The following LMTK3 variants were observed in gnomAD, a reference collection of about 807,000 sequenced individuals.
The protein encoded by LMTK3 is lemur tail kinase 3.
Under a neutral mutation model 116.7 loss-of-function variants are expected in LMTK3, and 27 were observed. The ratio of observed to expected loss-of-function variants is 0.23; its 90% confidence interval spans 0.17 to 0.32. The LOEUF is 0.32. Among genes scored for constraint, LMTK3 ranks in the 10% least tolerant of loss-of-function variants. The probability of loss-of-function intolerance (pLI) is 1.00; values close to 1 mark genes in which losing one functional copy is unlikely to be tolerated. For synonymous variants in LMTK3, 965 were observed against 971.0 expected (o/e 0.99, Z 0.11); for missense variants, 1,764 against 2,068.5 (o/e 0.85, Z 2.86).
Position 48,498,335 on chromosome 19 carries a change from T to G in LMTK3, c.2734A>C (p.Asn912His). 2 of 1,613,144 alleles carry G rather than the reference T, an allele frequency of 1.2e-6. No individual in the cohort carries two copies. The highest frequency in any genetic ancestry group is 1.7e-6 in the Non-Finnish European group (2 of 1,179,704). ...GLNRDPTVLG[N>H]GKQAPSLSLP... ...CTCAGGCTTGGGGCTTGTTTCCCGT[T>G]GCCCAGGACTGTCGGGTCCCTGTTC... The change falls in exon 11 of 15, where the codon AAC becomes CAC. Residue 912 changes from asparagine (N) to histidine (H), a missense_variant. Coordinates refer to ENST00000600059, the MANE Select transcript of LMTK3 (RefSeq NM_001388485.1).
rs1297706817 is a variant in LMTK3, at chr19:48,499,462, C to T, written c.1607G>A (p.Ser536Asn). The change falls in exon 11 of 15, where the codon AGC (serine) becomes AAC (asparagine). Residue 536 changes from serine (S) to asparagine (N), a missense_variant. Around this residue, in one of 7 missense-constraint regions of LMTK3, gnomAD observed 1,028 missense variants for 1,050.6 expected, o/e 0.98. Transcript: ENST00000600059. ...CTCCTCCAAGCGGATGTAGTACTCG[C>T]TGCTCACGGAGGGGCTGCGGGCGCT... ...VISARSPSVS[S>N]EYYIRLEEHG... 5 of 1,474,124 alleles carry T rather than the reference C, an allele frequency of 3.4e-6. No homozygotes were observed. The highest frequency in any genetic ancestry group is 1.4e-5 in the African/African-American group (1 of 69,570). 91.3% of individuals were successfully genotyped at this position (1,474,124 alleles called of 1,614,324 possible). A position where few individuals can be genotyped will look rare whatever the true frequency, so the allele number is the denominator to read the frequency against.
intron 14 of LMTK3, among the ~76,000 whole-genome samples, chr19:48,488,638 C>T (rs1271209779): frequency 6.6e-6 from 1 of 152,170 alleles, no homozygotes; most frequent in Non-Finnish European, 1.5e-5. Flanking sequence ...TCTCCTGCCT[C>T]AGGCCCTGTG....
At chr19:48,489,461 T>C (rs554629888) in intron 14 of LMTK3, among the ~76,000 whole-genome samples, 1 of 152,198 alleles carries the variant, frequency 6.6e-6, no homozygotes, top group East Asian at 1.9e-4. Context: ...TAATTCCAGC[T>C]ACTCAGGAGG....
In LMTK3 at chr19:48,494,705, T is replaced by G. The variant is rs546689750; in HGVS notation, c.3677-596A>C. On this transcript the variant is annotated intron_variant, in intron 11 of 14. Transcript: ENST00000600059. This position sits in a 1 kb window ranked among gnomAD's most constrained non-coding sequence, Gnocchi z 4.0. The stretch of plus-strand genomic sequence containing the variant: ...ACTTAGCCCTCCATTACTGCATAAG[T>G]GAACTGCCCTTTCTGAGCTGATGGC... Among the ~76,000 whole-genome samples the G allele has an allele frequency of 2.8e-4, 43 of 152,270 alleles. No homozygotes were observed. Among genetic ancestry groups the G allele is most frequent in the Middle Eastern group, 3.4e-3 (1 of 294 alleles).
chr19:48,497,705 C>T lies in LMTK3; in HGVS notation c.3364G>A (p.Ala1122Thr). 1 of 1,321,098 alleles carries T rather than the reference C, an allele frequency of 7.6e-7. No individual in the cohort carries two copies. The allele number at this position is 1,321,098 out of a possible 1,614,324, so 81.8% of individuals were successfully genotyped here. Residue 1122 changes from alanine to threonine, a missense_variant, in exon 11 of 15, where the codon GCC becomes ACC. Transcript: ENST00000600059. This position sits in a 1 kb window ranked among gnomAD's most constrained non-coding sequence, Gnocchi z 5.7. ...GGRAPVGTGTAPGGGPGSGVD... is the reference protein window; with the variant it reads ...GGRAPVGTGTTPGGGPGSGVD... ...CCGCTTCCGGGGCCGCCGCCGGGGGCCGTCCCCGTGCCCACTGGGGCTCGG... is the reference window on the plus strand; with the variant it reads ...CCGCTTCCGGGGCCGCCGCCGGGGGTCGTCCCCGTGCCCACTGGGGCTCGG...
rs1972114250 is a variant in LMTK3 at position 48,485,881 on chromosome 19, C to T, written c.4367-92G>A. On this transcript the variant is annotated intron_variant, in intron 14 of 14. Transcript: ENST00000600059. ...ACTCAGCGGAAAAGCAAAGCCCTCACCCACCATGGCCCAAAAGATCTGCTC... is the reference window on the plus strand; with the variant it reads ...ACTCAGCGGAAAAGCAAAGCCCTCATCCACCATGGCCCAAAAGATCTGCTC... The T allele has an allele frequency of 2.6e-5, 32 of 1,243,586 alleles. No individual in the cohort carries two copies. In the East Asian group the frequency reaches 7.6e-4, roughly 29 times the overall value. The allele number at this position is 1,243,586 out of a possible 1,614,324, so 77.0% of individuals were successfully genotyped here. A position where few individuals can be genotyped will look rare whatever the true frequency, so the allele number is the denominator to read the frequency against.
rs777416462 is a variant in LMTK3 at position 48,508,869 on chromosome 19, G to T, written c.539C>A (p.Ser180Ter). Residue 180 changes from serine to a stop codon, truncating the protein, a stop_gained, in exon 5 of 15, where the codon TCG becomes TAG. Transcript: ENST00000600059. LOFTEE classifies it high-confidence loss of function. ...AGPLEQRKFI[S>*]EAQPYRSLQH... ...TCAGTACCTGTACGGCTGTGCTTCC[G>T]AGATGAACTTGCGTTGCTCCAGGGG... 1 of 1,613,524 alleles carries T rather than the reference G, an allele frequency of 6.2e-7. No homozygotes were observed. Among genetic ancestry groups the T allele is most frequent in the Non-Finnish European group, 8.5e-7 (1 of 1,179,558 alleles).
In LMTK3 at chr19:48,495,243, C is replaced by A. The variant is rs1358821051; in HGVS notation, c.3677-1134G>T. On this transcript the variant is annotated intron_variant, in intron 11 of 14. Coordinates refer to ENST00000600059, the MANE Select transcript of LMTK3 (RefSeq NM_001388485.1). ...CAGGCTGGTCTCGAACTCCTGACCT[C>A]AGGCGATCCTCCCACCTCGGCCTCC... Among the ~76,000 whole-genome samples, 3 of 152,110 alleles carry A rather than the reference C, an allele frequency of 2.0e-5. No homozygotes were observed. In the East Asian group the frequency reaches 5.8e-4, roughly 29 times the overall value.
rs1433874179 is a variant in LMTK3 at position 48,499,434 on chromosome 19, G to A, written c.1635C>T (p.His545=). The A allele has an allele frequency of 4.8e-6, 7 of 1,465,454 alleles. No individual in the cohort carries two copies. Among genetic ancestry groups the A allele is most frequent in the African/African-American group, 2.9e-5 (2 of 69,472 alleles). The allele number at this position is 1,465,454 out of a possible 1,614,324, so 90.8% of individuals were successfully genotyped here. The change falls in exon 11 of 15, where the codon CAC becomes CAT. Residue 545 remains histidine (H), a synonymous_variant. Coordinates refer to ENST00000600059, the MANE Select transcript of LMTK3 (RefSeq NM_001388485.1). The part of the protein sequence containing the change: ...SSEYYIRLEE[H]GSPPEPLFPN... Reference sequence around the variant, plus strand: ...GGAAGAGGGGCTCAGGAGGGGAGCCGTGCTCCTCCAAGCGGATGTAGTACT... The same window carrying A: ...GGAAGAGGGGCTCAGGAGGGGAGCCATGCTCCTCCAAGCGGATGTAGTACT...
intron 12 of LMTK3, 54 bp downstream of exon 12, chr19:48,493,640 C>T (rs1972268461): frequency 2.0e-6 from 3 of 1,512,380 alleles, no homozygotes; most frequent in Non-Finnish European, 2.7e-6. Context: ...CGGCTCTAGG[C>T]TCCTGCTCCC....
intron 14 of LMTK3, among the ~76,000 whole-genome samples, chr19:48,490,272 C>T (rs1050186534): frequency 2.6e-5 from 4 of 152,000 alleles, no homozygotes; most frequent in African/African-American, 9.7e-5. Flanking sequence ...GCCTGTAATC[C>T]CAGCACTTTG....
chr19:48,494,190 A>C lies in LMTK3; in HGVS notation c.3677-81T>G. The C allele has an allele frequency of 1.2e-6, 1 of 856,870 alleles. No individual in the cohort carries two copies. Among genetic ancestry groups the C allele is most frequent in the Non-Finnish European group, 1.5e-6 (1 of 684,916 alleles). The allele number at this position is 856,870 out of a possible 1,614,324, so 53.1% of individuals were successfully genotyped here. A position where few individuals can be genotyped will look rare whatever the true frequency, so the allele number is the denominator to read the frequency against. ...CCCACCTAGCTGTGTGGCCTCAGAT[A>C]AGACCCCCGCACAATCTGGGCCTCA... On this transcript the variant is annotated intron_variant, in intron 11 of 14. Coordinates refer to ENST00000600059, the MANE Select transcript of LMTK3 (RefSeq NM_001388485.1). The surrounding 1 kb of genome is among the most constrained non-coding windows in gnomAD (Gnocchi z 4.0).
Position 48,502,894 on chromosome 19 carries a change from C to T in LMTK3, c.645+15G>A. 1 of 1,602,080 alleles carries T rather than the reference C, an allele frequency of 6.2e-7. No individual in the cohort carries two copies. Among genetic ancestry groups the T allele is most frequent in the East Asian group, 2.2e-5 (1 of 44,674 alleles). On this transcript the variant is annotated intron_variant, in intron 6 of 14. Transcript: ENST00000600059. ...CTGCCCCCTCTGCCCTTCCCCAACC[C>T]CCCAAGACCCTCACCAGTTGACAGA...
At position 48,498,027 on chromosome 19, in the gene LMTK3, G is replaced by A. The variant is rs1157942061; in HGVS notation, c.3042C>T (p.Asn1014=). 6.2e-7 allele frequency: 1 copy of A among 1,612,886 alleles called. No individual in the cohort carries two copies. Among genetic ancestry groups the A allele is most frequent in the South Asian group, 1.1e-5 (1 of 91,048 alleles). Reference sequence around the variant, plus strand: ...GCCCAGTCTCTGGTGGCCTCTCCGTGTTCCTGGGGAATCTCAGGCCCCCAT... The same window carrying A: ...GCCCAGTCTCTGGTGGCCTCTCCGTATTCCTGGGGAATCTCAGGCCCCCAT... ...SENGGLRFPR[N]TERPPETGPW... The change falls in exon 11 of 15, where the codon AAC becomes AAT. Residue 1014 remains asparagine (N), a synonymous_variant. Coordinates refer to ENST00000600059, the MANE Select transcript of LMTK3 (RefSeq NM_001388485.1).
In LMTK3 at chr19:48,509,469, G is replaced by T. The variant is rs1972622347; in HGVS notation, c.406C>A (p.Leu136Met). 6.4e-7 allele frequency: 1 copy of T among 1,560,404 alleles called. No homozygotes were observed. The highest frequency in any genetic ancestry group is 1.4e-5 in the African/African-American group (1 of 73,606). Reference protein sequence around the residue: ...LGLSRQHLSYLQEIGSGWFGK... With the variant: ...LGLSRQHLSYMQEIGSGWFGK... ...AACCAGCCACTCCCAATCTCCTGCA[G>T]GTAGCTCAGGTGCTGCCGGCTAAGG... The change falls in exon 4 of 15, where the codon CTG becomes ATG. Residue 136 changes from leucine to methionine, a missense_variant. By Grantham distance (15) the Leu-to-Met change is conservative. Transcript: ENST00000600059.
chr19:48,505,302 C>T (rs574718169), intron 5 of LMTK3, among the ~76,000 whole-genome samples: 163 of 150,828 alleles, frequency 1.1e-3, no homozygotes, highest in Non-Finnish European at 1.8e-3. Flanking sequence ...TTATTAGAGA[C>T]GGGATTTCAC....
rs1163492783 is a variant in LMTK3 at position 48,485,596 on chromosome 19, G to T, written c.*177C>A. On this transcript the variant is annotated 3_prime_UTR_variant, in exon 15 of 15. Transcript: ENST00000600059. ...GGGGAGCCATCTGGGGGGCTGGGGG[G>T]CGGGGGCCCGGGGCCTCCCGTTTGG... 7.8e-6 allele frequency: 5 copies of T among 643,146 alleles called. No individual in the cohort carries two copies. The highest frequency in any genetic ancestry group is 1.3e-5 in the Non-Finnish European group (5 of 377,444). The allele number at this position is 643,146 out of a possible 1,614,324, so 39.8% of individuals were successfully genotyped here.
chr19:48,502,678 CCCTCTGAGCCTTAGTTT>C, intron 6 of LMTK3, 97 bp from the exon 7 acceptor site: 1 of 1,370,590 alleles, frequency 7.3e-7, no homozygotes, highest in Non-Finnish European at 9.8e-7. Context: ...ACTGGGTAGC[CCCTCTGAGCCTTAGTTT>C]CCTCTGCTGC....
rs374012858 is a variant in LMTK3, at chr19:48,501,159, A to T, written c.1002-14T>A. On this transcript the variant is annotated splice_polypyrimidine_tract_variant and intron_variant, in intron 9 of 14. Coordinates refer to ENST00000600059, the MANE Select transcript of LMTK3 (RefSeq NM_001388485.1). ...ACCCCCAGGGACCTGCAGAGAGCAGAGAGAGGTCAGAGCCCAGCCCTGACC... is the reference window on the plus strand; with the variant it reads ...ACCCCCAGGGACCTGCAGAGAGCAGTGAGAGGTCAGAGCCCAGCCCTGACC... 1.2e-6 allele frequency: 2 copies of T among 1,610,472 alleles called. No individual in the cohort carries two copies. Among genetic ancestry groups the T allele is most frequent in the Non-Finnish European group, 1.7e-6 (2 of 1,178,332 alleles).
Sources: gnomAD v4.1 joint callset for allele counts (sites outside exome capture counted in the v4.1 genomes callset) on GRCh38, gnomAD v4.1.1 for gene constraint, gnomAD v4.1.1 regional missense constraint, Gnocchi (gnomAD v3.1) non-coding constraint, MANE v1.5 for transcripts, NCBI Gene and HGNC (gene_info 2026-07-23, HGNC 2026-07-21) for gene names.